The following LRRC37A2 variants were observed in gnomAD, a reference collection of about 807,000 sequenced individuals.
The protein encoded by LRRC37A2 is leucine-rich repeat-containing protein 37A2.
A neutral mutation model predicts 68.8 loss-of-function variants in LRRC37A2; 9 were observed. The ratio of observed to expected loss-of-function variants is 0.13; its 90% CI spans 0.08 to 0.23. The LOEUF is 0.23. Among genes scored for constraint, LRRC37A2 ranks in the 10% least tolerant of loss-of-function variants. The probability of loss-of-function intolerance (pLI) is 1.00; values close to 1 mark genes in which losing one functional copy is unlikely to be tolerated. For missense variants in LRRC37A2, 168 were observed against 950.4 expected, an observed-to-expected ratio of 0.18 and a Z score of 10.82; for synonymous variants, 63 against 367.6, an observed-to-expected ratio of 0.17 and a Z score of 9.48.
At chr17:46,774,352 G>A in the LRRC37A2 span, among the ~76,000 whole-genome samples, 6 of 152,054 alleles carry the variant, frequency 3.9e-5, no homozygotes, top group East Asian at 5.8e-4. Context: ...CATGGGACAC[G>A]CGCGCGCGCG....
the LRRC37A2 span, chr17:46,964,129 C>A: frequency 6.6e-6 from 1 of 152,184 alleles, no homozygotes; most frequent in Non-Finnish European, 1.5e-5. Context: ...TTCCCCATAT[C>A]CAAGGCAAGC....
chr17:46,520,871 T>G (rs1193734434), intron 4 of LRRC37A2, among the ~76,000 whole-genome samples: 1 of 70,030 alleles, frequency 1.4e-5, no homozygotes, highest in Non-Finnish European at 3.7e-5. Flanking sequence ...TGAACATCAT[T>G]AATCCAGAAT....
the LRRC37A2 span, among the ~76,000 whole-genome samples, chr17:46,501,364 A>G: frequency 2.2e-4 from 34 of 151,212 alleles, 1 homozygote; most frequent in South Asian, 1.7e-3. Flanking sequence ...TAGTAGAGAT[A>G]GAGTTTCACC....
chr17:46,867,219 C>T, the LRRC37A2 span, among the ~76,000 whole-genome samples: 1 of 152,242 alleles, frequency 6.6e-6, no homozygotes, highest in Admixed American at 6.5e-5. Context: ...TGTCCCAGCA[C>T]AGTACCTGGC....
the LRRC37A2 span, among the ~76,000 whole-genome samples, chr17:46,902,465 T>C: frequency 2.0e-5 from 3 of 150,800 alleles, no homozygotes; most frequent in East Asian, 3.9e-4. Flanking sequence ...ACAGTGCGTG[T>C]GTGTGTGTGT....
chr17:47,014,773 A>G, the LRRC37A2 span, among the ~76,000 whole-genome samples: 1 of 152,082 alleles, frequency 6.6e-6, no homozygotes. Flanking sequence ...TGGCCTTAAG[A>G]ATGATTGCGC....
the LRRC37A2 span, among the ~76,000 whole-genome samples, chr17:46,796,121 A>G: frequency 1.3e-5 from 2 of 152,192 alleles, no homozygotes; most frequent in African/African-American, 2.4e-5. Context: ...GCTGACCCCA[A>G]TCCTGATCTT....
the LRRC37A2 span, among the ~76,000 whole-genome samples, chr17:46,958,923 A>G: frequency 1.1e-4 from 16 of 152,356 alleles, no homozygotes; most frequent in African/African-American, 3.8e-4. Context: ...TCCAAGAACT[A>G]TTACAAGGCT....
At chr17:46,801,801 G>A in the LRRC37A2 span, among the ~76,000 whole-genome samples, 1 of 152,198 alleles carries the variant, frequency 6.6e-6, no homozygotes, top group Non-Finnish European at 1.5e-5. Context: ...CTGTGGGTCT[G>A]CCAAGGGAGG....
chr17:46,910,988 G>A, the LRRC37A2 span, among the ~76,000 whole-genome samples: 1 of 152,198 alleles, frequency 6.6e-6, no homozygotes, highest in Non-Finnish European at 1.5e-5. Context: ...ACATGCATAT[G>A]GCGGTGCCAA....
the LRRC37A2 span, among the ~76,000 whole-genome samples, chr17:46,765,582 CAAGAG>C: frequency 2.0e-5 from 3 of 152,252 alleles, no homozygotes; most frequent in Non-Finnish European, 2.9e-5. Context: ...TCAGGGAAGA[CAAGAG>C]AACAGCTAAC....
chr17:46,771,565 G>C, the LRRC37A2 span, among the ~76,000 whole-genome samples: 1 of 148,538 alleles, frequency 6.7e-6, no homozygotes. Flanking sequence ...TTCCCCGTCC[G>C]GCGGGGCCCG....
At chr17:46,875,282 T>A in the LRRC37A2 span, 1 of 1,614,142 alleles carries the variant, frequency 6.2e-7, no homozygotes, top group South Asian at 1.1e-5. Context: ...GCACCAAGTT[T>A]CTGAGCAACT....
At chr17:46,416,053 A>G in the LRRC37A2 span, among the ~76,000 whole-genome samples, 1 of 62,092 alleles carries the variant, frequency 1.6e-5, no homozygotes, top group African/African-American at 4.7e-5. Flanking sequence ...ACATTTTTCA[A>G]TGTTTAAGTA....
chr17:46,811,258 G>A, the LRRC37A2 span, among the ~76,000 whole-genome samples: 67 of 101,140 alleles, frequency 6.6e-4, 9 homozygotes, highest in Non-Finnish European at 1.6e-3. Flanking sequence ...AGGTGTCATC[G>A]GGCGGGTTGT....
the LRRC37A2 span, chr17:46,722,266 G>T: frequency 9.9e-7 from 1 of 1,014,756 alleles, no homozygotes; most frequent in Non-Finnish European, 1.5e-6. Context: ...TAATTTTGGG[G>T]GGAGTCTGTA....
the LRRC37A2 span, among the ~76,000 whole-genome samples, chr17:46,920,748 T>C: frequency 9.2e-5 from 14 of 152,160 alleles, no homozygotes; most frequent in Admixed American, 2.6e-4. Context: ...TTTGTCTTGA[T>C]AAATAAAATT....
At chr17:46,985,183 C>G in the LRRC37A2 span, among the ~76,000 whole-genome samples, 1 of 152,148 alleles carries the variant, frequency 6.6e-6, no homozygotes, top group Non-Finnish European at 1.5e-5. Context: ...TAAGAGACTT[C>G]GAGGTTGGCC....
the LRRC37A2 span, among the ~76,000 whole-genome samples, chr17:47,023,325 T>C: frequency 4.6e-5 from 7 of 152,310 alleles, no homozygotes; most frequent in Admixed American, 4.6e-4. Flanking sequence ...CTGACATTTT[T>C]CACAACAGTT....
Sources: gnomAD v4.1 joint callset for allele counts (sites outside exome capture counted in the v4.1 genomes callset) on GRCh38, gnomAD v4.1.1 for gene constraint, MANE v1.5 for transcripts, NCBI Gene and HGNC (gene_info 2026-07-23, HGNC 2026-07-21) for gene names.